Variants in PCDH7 observed in about 807,000 individuals in gnomAD.
PCDH7 encodes the protein protocadherin-7.
Under a neutral mutation model 58.9 loss-of-function variants are expected in PCDH7, and 17 were observed. The observed-to-expected ratio is 0.29, with a 90% CI of 0.20 to 0.43. The LOEUF is 0.43. Ranked by LOEUF, PCDH7 falls within the 20% of genes least tolerant of loss-of-function variation. The pLI, the probability that PCDH7 is intolerant of heterozygous loss-of-function variation, is 1.00. For synonymous variants in PCDH7, 664 were observed against 616.4 expected (o/e 1.08, Z -1.14); for missense variants, 1,274 against 1,441.0 (o/e 0.88, Z 1.88).
At chr4:30,908,981 C>T (rs61794533) in intron 1 of PCDH7, among the ~76,000 whole-genome samples, 6 of 152,028 alleles carry the variant, frequency 3.9e-5, no homozygotes. Flanking sequence ...GCTTATGTAC[C>T]ACGATCAAGT....
chr4:30,756,096 C>T (rs78210059), intron 1 of PCDH7, among the ~76,000 whole-genome samples: 4,808 of 152,066 alleles, frequency 0.032, 233 homozygotes, highest in East Asian at 0.22. Flanking sequence ...ACCAACCAAC[C>T]AACAAACAAA....
intron 1 of PCDH7, among the ~76,000 whole-genome samples, chr4:30,827,636 C>T (rs754905577): frequency 1.1e-4 from 17 of 152,132 alleles, no homozygotes; most frequent in Non-Finnish European, 2.1e-4. Context: ...AAAATGTTAT[C>T]TCATATATTA....
intron 3 of PCDH7, among the ~76,000 whole-genome samples, chr4:30,968,996 T>A (rs1749299712): frequency 6.6e-6 from 1 of 152,224 alleles, no homozygotes; most frequent in South Asian, 2.1e-4. Flanking sequence ...CATAAAATTG[T>A]AATCTTTTCT....
chr4:30,911,595 T>A (rs1741781897), intron 1 of PCDH7, among the ~76,000 whole-genome samples: 1 of 152,154 alleles, frequency 6.6e-6, no homozygotes, highest in South Asian at 2.1e-4. Context: ...TTTTAAAATA[T>A]AATATCTTTT....
intron 3 of PCDH7, among the ~76,000 whole-genome samples, chr4:31,075,609 C>A (rs955717826): frequency 1.3e-5 from 2 of 152,074 alleles, no homozygotes; most frequent in African/African-American, 4.8e-5. Context: ...GACTTGGGAC[C>A]CTCAAGACAT....
intron 1 of PCDH7, among the ~76,000 whole-genome samples, chr4:30,817,524 T>C (rs1270029093): frequency 6.6e-6 from 1 of 152,216 alleles, no homozygotes; most frequent in African/African-American, 2.4e-5. Flanking sequence ...GTGTGAAATA[T>C]ATACATAAGA....
intron 1 of PCDH7, among the ~76,000 whole-genome samples, chr4:30,754,482 A>T (rs2109262020): frequency 6.6e-6 from 1 of 152,292 alleles, no homozygotes; most frequent in South Asian, 2.1e-4. Flanking sequence ...TATGAATTAA[A>T]GGTCCTAAAT....
intron 1 of PCDH7, among the ~76,000 whole-genome samples, chr4:30,917,909 T>TTCTAC (rs1742686159): frequency 6.6e-6 from 1 of 152,172 alleles, no homozygotes; most frequent in South Asian, 2.1e-4. Context: ...TGTCACTCTT[T>TTCTAC]TTTTCTACTT....
chr4:31,120,441 C>CTTTTTTTTTT (rs138878762), intron 3 of PCDH7, among the ~76,000 whole-genome samples: 73 of 107,870 alleles, frequency 6.8e-4, no homozygotes, highest in Middle Eastern at 5.4e-3. Context: ...CTATTTTTTT[C>CTTTTTTTTTT]TTTTTTTTTT....
At chr4:30,803,223 A>AT (rs552239047) in intron 1 of PCDH7, among the ~76,000 whole-genome samples, 29 of 152,068 alleles carry the variant, frequency 1.9e-4, no homozygotes, top group Non-Finnish European at 3.8e-4. Flanking sequence ...ACAGTAGAGC[A>AT]TTTTTTTGTT....
rs79051772 is a variant in PCDH7 at position 30,849,779 on chromosome 4, T to C, written c.71-70374T>C. On this transcript the variant is annotated intron_variant, in intron 1 of 3. Coordinates refer to the PCDH7 transcript ENST00000509759. Reference sequence around the variant, plus strand: ...AAATTCTGTGAGGTCTCCTTTCTTTTCTGGTATTTCTTTAATTTCTATTCC... The same window carrying C: ...AAATTCTGTGAGGTCTCCTTTCTTTCCTGGTATTTCTTTAATTTCTATTCC... 5.2e-3 allele frequency among the ~76,000 whole-genome samples: 795 copies of C among 152,218 alleles called. 6 individuals carry two copies. The highest frequency in any genetic ancestry group is 8.6e-3 in the Non-Finnish European group (583 of 68,016).
chr4:30,741,747 A>G (rs553112577), intron 1 of PCDH7, among the ~76,000 whole-genome samples: 29 of 152,362 alleles, frequency 1.9e-4, no homozygotes, highest in African/African-American at 7.0e-4. Context: ...TGCAATTACT[A>G]TATGAGTAGA....
At position 30,789,807 on chromosome 4, in the gene PCDH7, G is replaced by T. The variant is rs761546334; in HGVS notation, c.70+65211G>T. ...CATTAATTCCTTATTTTCCTTAGAAGATTAGACGAGAGAGTTGCAGACTTC... is the reference window on the plus strand; with the variant it reads ...CATTAATTCCTTATTTTCCTTAGAATATTAGACGAGAGAGTTGCAGACTTC... On this transcript the variant is annotated intron_variant, in intron 1 of 3. Transcript: ENST00000509759. Among the ~76,000 whole-genome samples, 40 of 152,240 alleles carry T rather than the reference G, an allele frequency of 2.6e-4. No individual in the cohort carries two copies. In the Middle Eastern group the frequency reaches 0.01, roughly 39 times the overall value.
chr4:30,791,874 C>T (rs889409131), intron 1 of PCDH7, among the ~76,000 whole-genome samples: 3 of 151,988 alleles, frequency 2.0e-5, no homozygotes, highest in South Asian at 2.1e-4. Context: ...CAAGTTCCTC[C>T]GACTACTAGT....
At chr4:31,093,583 G>A (rs1185994001) in intron 3 of PCDH7, among the ~76,000 whole-genome samples, 1 of 118,626 alleles carries the variant, frequency 8.4e-6, no homozygotes, top group African/African-American at 4.2e-5. Flanking sequence ...GCAAGGTGCA[G>A]TGAATTTTCC....
intron 3 of PCDH7, among the ~76,000 whole-genome samples, chr4:31,125,162 C>A (rs981115823): frequency 9.2e-5 from 14 of 152,010 alleles, no homozygotes; most frequent in Admixed American, 9.2e-4. Context: ...GACTTGGATA[C>A]AAAATTTTCC....
At chr4:31,120,423 TTTTCTTTCTA>T (rs1717525971) in intron 3 of PCDH7, among the ~76,000 whole-genome samples, 1 of 143,852 alleles carries the variant, frequency 7.0e-6, no homozygotes, top group Admixed American at 7.0e-5. Flanking sequence ...CTTTCGTTGT[TTTTCTTTCTA>T]TTTTTTTCTT....
At chr4:30,884,182 G>T (rs967147842) in intron 1 of PCDH7, among the ~76,000 whole-genome samples, 1 of 151,950 alleles carries the variant, frequency 6.6e-6, no homozygotes. Flanking sequence ...CTTATTACTC[G>T]CCAAACACTG....
At chr4:30,796,755 ACTTT>A (rs1349918375) in intron 1 of PCDH7, among the ~76,000 whole-genome samples, 1 of 151,874 alleles carries the variant, frequency 6.6e-6, no homozygotes, top group African/African-American at 2.4e-5. Flanking sequence ...TTCCCACTTT[ACTTT>A]CTGTTCTTCT....
Sources: allele counts gnomAD v4.1 joint callset (sites outside exome capture counted in the v4.1 genomes callset), GRCh38; gene constraint gnomAD v4.1.1; transcripts MANE v1.5; gene names NCBI Gene and HGNC (gene_info 2026-07-23, HGNC 2026-07-21).